Variants in ZNF138 observed in about 807,000 individuals in gnomAD.
ZNF138 encodes zinc finger protein 138.
Under a neutral mutation model 33.0 loss-of-function variants are expected in ZNF138, and 33 were observed. That is an observed-to-expected ratio of 1.00 (90% CI 0.76 to 1.34). ZNF138 has a LOEUF of 1.34. Among genes scored for constraint, ZNF138 ranks in the 40% most tolerant of loss-of-function variants. ZNF138 has a pLI of 0.00. For missense variants in ZNF138, 360 were observed against 370.8 expected (o/e 0.97, Z 0.24); for synonymous variants, 139 against 120.4 (o/e 1.15, Z -1.01).
chr7:64,803,738 TACAG>T (rs1787345890), intron 1 of ZNF138, among the ~76,000 whole-genome samples: 1 of 152,238 alleles, frequency 6.6e-6, no homozygotes, highest in African/African-American at 2.4e-5. Context: ...GGATTATGGT[TACAG>T]ACAATTTTTA....
At chr7:64,814,789 A>T (rs2129001280) in intron 1 of ZNF138, 129 bp from the exon 2 acceptor site, 3 of 1,218,702 alleles carry the variant, frequency 2.5e-6, no homozygotes. Flanking sequence ...TTTATGAATA[A>T]TTTCAGTCAC....
intron 3 of ZNF138, among the ~76,000 whole-genome samples, chr7:64,824,190 G>A (rs12537906): frequency 0.033 from 4,954 of 152,146 alleles, 117 homozygotes; most frequent in Middle Eastern, 0.079. Flanking sequence ...CATGAATGGC[G>A]TGACACCATC....
the ZNF138 span, among the ~76,000 whole-genome samples, chr7:64,848,936 C>T: frequency 6.6e-6 from 1 of 152,086 alleles, no homozygotes; most frequent in East Asian, 1.9e-4. Context: ...AATCTCCTGA[C>T]CTCGTGATCT....
Position 64,827,319 on chromosome 7 carries a change from T to C in ZNF138, c.209-4132T>C, listed in dbSNP as rs565984865. On this transcript the variant is annotated intron_variant, in intron 3 of 3. Coordinates refer to ENST00000307355, the MANE Select transcript of ZNF138 (RefSeq NM_001271639.2). ...CTCGAGTGCAGTGGCACAATCTCGG[T>C]TCACTGCAAGCTCTGCCTCCCGGGT... is the stretch of plus-strand genomic sequence containing the variant. Among the ~76,000 whole-genome samples, 92 of 151,542 alleles carry C rather than the reference T, an allele frequency of 6.1e-4. No homozygotes were observed. In the East Asian group the frequency reaches 0.017, roughly 27 times the overall value.
chr7:64,832,835 C>A lies in ZNF138; in HGVS notation c.*633C>A. 2.2e-6 allele frequency: 1 copy of A among 449,060 alleles called. No homozygotes were observed. Among genetic ancestry groups the A allele is most frequent in the South Asian group, 1.7e-5 (1 of 58,036 alleles). The allele number at this position is 449,060 out of a possible 1,614,324, so 27.8% of individuals were successfully genotyped here. On this transcript the variant is annotated 3_prime_UTR_variant, in exon 4 of 4. Transcript: ENST00000307355. Reference sequence around the variant, plus strand: ...AGATTCATACTAGAGAGAAACCCTACAAATGTGAAGAATGTGGCATATCTT... The same window carrying A: ...AGATTCATACTAGAGAGAAACCCTAAAAATGTGAAGAATGTGGCATATCTT...
chr7:64,803,645 A>G (rs1562888896), intron 1 of ZNF138, among the ~76,000 whole-genome samples: 1 of 152,208 alleles, frequency 6.6e-6, no homozygotes, highest in Non-Finnish European at 1.5e-5. Flanking sequence ...TGAATATAAC[A>G]CCACAATATT....
the ZNF138 span, among the ~76,000 whole-genome samples, chr7:64,845,951 T>C: frequency 6.6e-6 from 1 of 152,220 alleles, no homozygotes; most frequent in Non-Finnish European, 1.5e-5. Flanking sequence ...AGATGAGAGA[T>C]GAGGATCCAG....
intron 3 of ZNF138, among the ~76,000 whole-genome samples, chr7:64,820,305 T>G (rs560328871): frequency 6.6e-6 from 1 of 151,772 alleles, no homozygotes; most frequent in Non-Finnish European, 1.5e-5. Context: ...TCCATCATTT[T>G]GTTACTGGAT....
intron 1 of ZNF138, among the ~76,000 whole-genome samples, chr7:64,805,632 A>T (rs1283450172): frequency 2.6e-5 from 4 of 152,178 alleles, no homozygotes; most frequent in Non-Finnish European, 5.9e-5. Flanking sequence ...AAGTCAAGAG[A>T]GGACACCAGC....
intron 3 of ZNF138, among the ~76,000 whole-genome samples, chr7:64,823,581 C>T (rs1789340877): frequency 6.6e-6 from 1 of 152,174 alleles, no homozygotes; most frequent in South Asian, 2.1e-4. Context: ...ATGATCCTCC[C>T]ACCTTGGTCC....
downstream of ZNF138, among the ~76,000 whole-genome samples, chr7:64,834,917 G>A (rs1040592145): frequency 1.1e-4 from 16 of 152,322 alleles, no homozygotes; most frequent in African/African-American, 3.1e-4. Flanking sequence ...GAAGGGCACC[G>A]TGGATCAATA....
At chr7:64,850,253 A>C in the ZNF138 span, among the ~76,000 whole-genome samples, 1 of 152,354 alleles carries the variant, frequency 6.6e-6, no homozygotes, top group South Asian at 2.1e-4. Context: ...AGGGCAGACT[A>C]TCCCTTTTTC....
At chr7:64,797,906 G>A (rs983076875) in intron 1 of ZNF138, among the ~76,000 whole-genome samples, 5 of 152,096 alleles carry the variant, frequency 3.3e-5, no homozygotes, top group African/African-American at 1.2e-4. Flanking sequence ...ATGGCAAATG[G>A]AGGGTGTATA....
At chr7:64,840,433 T>C in the ZNF138 span, among the ~76,000 whole-genome samples, 4 of 151,318 alleles carry the variant, frequency 2.6e-5, no homozygotes, top group East Asian at 2.0e-4. Context: ...TTTAAACTTA[T>C]TTTTCTCAAT....
intron 3 of ZNF138, among the ~76,000 whole-genome samples, chr7:64,822,564 C>T (rs535660481): frequency 4.6e-5 from 7 of 151,118 alleles, no homozygotes; most frequent in Non-Finnish European, 1.0e-4. Flanking sequence ...CTATTGTGTG[C>T]TCATGGCAAC....
intron 1 of ZNF138, among the ~76,000 whole-genome samples, chr7:64,801,162 TCTC>T (rs755151221): frequency 9.2e-5 from 14 of 152,168 alleles, no homozygotes; most frequent in African/African-American, 1.4e-4. Context: ...TATGTCTAAA[TCTC>T]CTTCAGTACA....
At chr7:64,837,361 G>A (rs1353254525), downstream of ZNF138, among the ~76,000 whole-genome samples, 1 of 152,128 alleles carries the variant, frequency 6.6e-6, no homozygotes, top group Non-Finnish European at 1.5e-5. Flanking sequence ...ATTATGGCTG[G>A]ACTGTCTGGG....
At chr7:64,804,123 C>T (rs561371991) in intron 1 of ZNF138, among the ~76,000 whole-genome samples, 154 of 152,250 alleles carry the variant, frequency 1.0e-3, no homozygotes, top group Non-Finnish European at 1.9e-3. Context: ...CAATTTCTGC[C>T]TCCAAAGAAA....
chr7:64,850,473 TC>T, the ZNF138 span, among the ~76,000 whole-genome samples: 1 of 152,138 alleles, frequency 6.6e-6, no homozygotes, highest in African/African-American at 2.4e-5. Flanking sequence ...CGCTATTTTT[TC>T]CCCCAGAAAA....
Sources: gnomAD v4.1 joint callset for allele counts (sites outside exome capture counted in the v4.1 genomes callset) on GRCh38, gnomAD v4.1.1 for gene constraint, MANE v1.5 for transcripts, NCBI Gene and HGNC (gene_info 2026-07-23, HGNC 2026-07-21) for gene names.